Variants in ITGA8 observed in about 807,000 individuals in gnomAD.
ITGA8 encodes the protein integrin subunit alpha 8.
In ITGA8, 91 loss-of-function variants were observed where a neutral mutation model predicts 142.3. That is an observed-to-expected ratio of 0.64 (90% CI 0.54 to 0.76). The LOEUF (loss-of-function observed/expected upper bound fraction) is 0.76, where lower values mean the gene tolerates loss of function less well. Among genes scored for constraint, ITGA8 ranks in the 30% least tolerant of loss-of-function variants. The probability of loss-of-function intolerance (pLI) is 0.00; values close to 1 mark genes in which losing one functional copy is unlikely to be tolerated. For synonymous variants in ITGA8, 505 were observed against 485.2 expected (o/e 1.04, Z -0.54); for missense variants, 1,406 against 1,327.7 (o/e 1.06, Z -0.92).
intron 2 of ITGA8, among the ~76,000 whole-genome samples, chr10:15,689,841 T>C (rs1262993007): frequency 2.0e-5 from 3 of 152,126 alleles, no homozygotes; most frequent in African/African-American, 7.2e-5. Flanking sequence ...CAGTTGCCAC[T>C]GTGCCCTGCT....
At chr10:15,679,323 G>T (rs988958488) in intron 4 of ITGA8, among the ~76,000 whole-genome samples, 5 of 152,144 alleles carry the variant, frequency 3.3e-5, no homozygotes, top group Non-Finnish European at 7.4e-5. Flanking sequence ...GGTGGCTCAT[G>T]CCTGTAATCC....
chr10:15,695,730 G>A (rs1671487499), intron 2 of ITGA8, among the ~76,000 whole-genome samples: 1 of 152,182 alleles, frequency 6.6e-6, no homozygotes, highest in Admixed American at 6.5e-5. Flanking sequence ...GATTCTGAAT[G>A]AATGAGAGGC....
intron 11 of ITGA8, among the ~76,000 whole-genome samples, chr10:15,648,445 AT>A (rs1834026492): frequency 6.7e-6 from 1 of 150,182 alleles, no homozygotes; most frequent in Non-Finnish European, 1.5e-5. Context: ...ACATTAATGT[AT>A]GAAATATATA....
At chr10:15,675,800 GA>G (rs774996411) in intron 6 of ITGA8, among the ~76,000 whole-genome samples, 5 of 152,114 alleles carry the variant, frequency 3.3e-5, no homozygotes, top group Non-Finnish European at 7.3e-5. Flanking sequence ...ATAGTTTGTA[GA>G]ATAAAGACAA....
At chr10:15,629,377 G>C (rs188061538) in intron 13 of ITGA8, among the ~76,000 whole-genome samples, 1 of 152,062 alleles carries the variant, frequency 6.6e-6, no homozygotes, top group African/African-American at 2.4e-5. Context: ...CTTTATAAGT[G>C]CAGTCACCCC....
intron 2 of ITGA8, among the ~76,000 whole-genome samples, chr10:15,703,544 C>T (rs1427896521): frequency 6.6e-6 from 1 of 152,090 alleles, no homozygotes; most frequent in Non-Finnish European, 1.5e-5. Context: ...TTATCTCTTC[C>T]AAGGGAAATG....
chr10:15,627,351 T>A (rs1284025414), intron 13 of ITGA8, among the ~76,000 whole-genome samples: 4 of 152,102 alleles, frequency 2.6e-5, no homozygotes, highest in Admixed American at 2.0e-4. Context: ...GGGCTGAGCA[T>A]CCCCCAGACA....
At chr10:15,563,280 A>C (rs1834016679) in intron 25 of ITGA8, among the ~76,000 whole-genome samples, 2 of 152,370 alleles carry the variant, frequency 1.3e-5, no homozygotes, top group Admixed American at 6.5e-5. Context: ...CCTAATACAG[A>C]TGCCCAGTGA....
intron 3 of ITGA8, among the ~76,000 whole-genome samples, chr10:15,686,656 T>C (rs1163768610): frequency 1.3e-5 from 2 of 152,322 alleles, no homozygotes; most frequent in East Asian, 3.9e-4. Context: ...ATTTTGCAGT[T>C]ATAAAATTAT....
chr10:15,535,739 AGATAAGAGAATAAAAGCAG>A (rs1411109499), intron 27 of ITGA8, among the ~76,000 whole-genome samples: 1 of 152,192 alleles, frequency 6.6e-6, no homozygotes, highest in East Asian at 1.9e-4. Context: ...GGGTGGGGCC[AGATAAGAGAATAAAAGCAG>A]GCTGCCTGGG....
At chr10:15,562,605 A>G (rs991615862) in intron 25 of ITGA8, among the ~76,000 whole-genome samples, 27 of 152,212 alleles carry the variant, frequency 1.8e-4, no homozygotes, top group Non-Finnish European at 2.9e-4. Context: ...TCTTGAAGAG[A>G]ACAAGTGAGA....
At chr10:15,574,285 T>G (rs1223779460) in intron 24 of ITGA8, among the ~76,000 whole-genome samples, 1 of 152,252 alleles carries the variant, frequency 6.6e-6, no homozygotes, top group African/African-American at 2.4e-5. Flanking sequence ...ATCAGTGAAC[T>G]ATTTAAAAAT....
chr10:15,599,927 A>C (rs1251571471), intron 20 of ITGA8, among the ~76,000 whole-genome samples: 1 of 152,162 alleles, frequency 6.6e-6, no homozygotes, highest in Admixed American at 6.5e-5. Flanking sequence ...TCTCAAAAAA[A>C]CAAAACAAAA....
At chr10:15,616,957 G>A (rs1833403832) in intron 13 of ITGA8, among the ~76,000 whole-genome samples, 1 of 152,166 alleles carries the variant, frequency 6.6e-6, no homozygotes, top group South Asian at 2.1e-4. Flanking sequence ...AATACCCTAT[G>A]AGGAAGGGTA....
In ITGA8 at chr10:15,684,114, A is replaced by G; in HGVS notation, c.458T>C (p.Leu153Ser). The change falls in exon 4 of 30, where the codon TTA becomes TCA. Residue 153 changes from leucine to serine, a missense_variant. Leu to Ser is a moderately radical substitution (Grantham distance 145). Transcript: ENST00000378076. ...HKGKVVACAP[L>S]YHWRTLKPTP... is the part of the protein sequence containing the mutation. ...CGGTTTAAGAGTTCTCCAGTGATAT[A>G]AAGGAGCACAGGCCTAGGAAACATC... 5.0e-6 allele frequency: 8 copies of G among 1,614,040 alleles called. No homozygotes were observed. Among genetic ancestry groups the G allele is most frequent in the South Asian group, 2.2e-5 (2 of 91,066 alleles).
chr10:15,610,367 C>A (rs1564373207), intron 15 of ITGA8, among the ~76,000 whole-genome samples: 1 of 152,098 alleles, frequency 6.6e-6, no homozygotes, highest in Non-Finnish European at 1.5e-5. Flanking sequence ...CACTTGCAGG[C>A]CTACAGCTAA....
At chr10:15,635,161 C>G (rs1331104006) in intron 13 of ITGA8, among the ~76,000 whole-genome samples, 1 of 151,826 alleles carries the variant, frequency 6.6e-6, no homozygotes, top group Non-Finnish European at 1.5e-5. Context: ...CACGTGCTAC[C>G]ATGCCCAGCT....
At chr10:15,603,434 G>A (rs756903951) in intron 20 of ITGA8, among the ~76,000 whole-genome samples, 7 of 152,172 alleles carry the variant, frequency 4.6e-5, no homozygotes, top group Non-Finnish European at 8.8e-5. Flanking sequence ...CTCATCCTAT[G>A]AAAGGAAACG....
At position 15,672,687 on chromosome 10, in the gene ITGA8, T is replaced by C. The variant is rs754290701; in HGVS notation, c.739A>G (p.Arg247Gly). ...IANYSFKDIL[R>G]KLAGEKQTEV... ...GTCTGCTTTTCTCCTGCCAGTTTCCTGAGGATATCCTTGAATGAGTAATTT... is the reference window on the plus strand; with the variant it reads ...GTCTGCTTTTCTCCTGCCAGTTTCCCGAGGATATCCTTGAATGAGTAATTT... Residue 247 changes from arginine to glycine, a missense_variant, in exon 7 of 30, where the codon AGG (arginine) becomes GGG (glycine). Physicochemically the swap from Arg to Gly is moderately radical, Grantham distance 125. Transcript: ENST00000378076. 4.0e-5 allele frequency: 64 copies of C among 1,613,814 alleles called. No individual in the cohort carries two copies. The highest frequency in any genetic ancestry group is 5.1e-5 in the Non-Finnish European group (60 of 1,179,902).
Sources: allele counts gnomAD v4.1 joint callset (sites outside exome capture counted in the v4.1 genomes callset), GRCh38; gene constraint gnomAD v4.1.1; transcripts MANE v1.5; gene names NCBI Gene and HGNC (gene_info 2026-07-23, HGNC 2026-07-21).